Variants in SMIM36 observed in about 807,000 individuals in gnomAD.
The protein encoded by SMIM36 is small integral membrane protein 36.
At chr17:55,468,541 G>A (rs1909283504) in intron 3 of SMIM36, 1 of 152,840 alleles carries the variant, frequency 6.5e-6, no homozygotes, top group Non-Finnish European at 1.5e-5. Flanking sequence ...CATTTCACTG[G>A]TGTCTGATCA....
intron 4 of SMIM36, among the ~76,000 whole-genome samples, chr17:55,464,368 C>T (rs944013830): frequency 6.6e-6 from 1 of 152,100 alleles, no homozygotes; most frequent in East Asian, 1.9e-4. Context: ...TGCTACTTGT[C>T]TAGGGTCAGT....
intron 1 of SMIM36, among the ~76,000 whole-genome samples, chr17:55,496,656 G>T (rs1909812058): frequency 6.6e-6 from 1 of 152,196 alleles, no homozygotes; most frequent in Non-Finnish European, 1.5e-5. Flanking sequence ...ATACTTGTCT[G>T]TGTCTGCCCT....
At chr17:55,471,561 T>A (rs187110618) in intron 3 of SMIM36, among the ~76,000 whole-genome samples, 1 of 152,192 alleles carries the variant, frequency 6.6e-6, no homozygotes, top group Non-Finnish European at 1.5e-5. Context: ...GGATATTTCC[T>A]AGTCTAGATA....
intron 3 of SMIM36, among the ~76,000 whole-genome samples, chr17:55,467,821 CA>C (rs1909268597): frequency 6.6e-6 from 1 of 152,202 alleles, no homozygotes; most frequent in African/African-American, 2.4e-5. Context: ...CTGTGACCTG[CA>C]ACTGAAGAAC....
chr17:55,490,543 G>T (rs1019838589), intron 1 of SMIM36, among the ~76,000 whole-genome samples: 1 of 152,138 alleles, frequency 6.6e-6, no homozygotes, highest in Admixed American at 6.5e-5. Context: ...GAGAGCATAT[G>T]ATATGGTCTC....
At chr17:55,523,625 A>C in the SMIM36 span, among the ~76,000 whole-genome samples, 4 of 152,146 alleles carry the variant, frequency 2.6e-5, no homozygotes, top group East Asian at 7.7e-4. Context: ...ACCTGCAGAC[A>C]TCTTGATCTT....
At chr17:55,507,866 A>T (rs965521293) in intron 1 of SMIM36, among the ~76,000 whole-genome samples, 1 of 152,226 alleles carries the variant, frequency 6.6e-6, no homozygotes, top group African/African-American at 2.4e-5. Flanking sequence ...TCGTGCTGAC[A>T]TTTAAAGATG....
intron 1 of SMIM36, among the ~76,000 whole-genome samples, chr17:55,493,454 A>G (rs1277914173): frequency 6.6e-6 from 1 of 152,168 alleles, no homozygotes; most frequent in African/African-American, 2.4e-5. Flanking sequence ...AGGTGTTGGT[A>G]ATATCAAGTC....
chr17:55,473,461 C>T (rs1229205013), intron 3 of SMIM36, among the ~76,000 whole-genome samples: 3 of 152,168 alleles, frequency 2.0e-5, no homozygotes, highest in Non-Finnish European at 4.4e-5. Context: ...AGATATAATT[C>T]CCTGATTTGG....
At chr17:55,482,972 C>T (rs1310655211) in intron 1 of SMIM36, among the ~76,000 whole-genome samples, 1 of 152,198 alleles carries the variant, frequency 6.6e-6, no homozygotes. Flanking sequence ...TGGGTCTTAA[C>T]AAAAGTAGTC....
the SMIM36 span, among the ~76,000 whole-genome samples, chr17:55,521,957 T>G: frequency 6.6e-6 from 1 of 152,118 alleles, no homozygotes; most frequent in South Asian, 2.1e-4. Context: ...TTAGTCTATT[T>G]TCAACACAAT....
chr17:55,453,280 G>A (rs1357221857), intron 4 of SMIM36, among the ~76,000 whole-genome samples: 5 of 150,020 alleles, frequency 3.3e-5, no homozygotes, highest in African/African-American at 1.0e-4. Context: ...TCAAGCCGCT[G>A]TACCCCAGCC....
the SMIM36 span, among the ~76,000 whole-genome samples, chr17:55,529,518 A>C: frequency 1.5e-3 from 224 of 152,248 alleles, 2 homozygotes; most frequent in South Asian, 0.014. Flanking sequence ...CTGTAATCCC[A>C]GCACTTTGGG....
At position 55,501,081 on chromosome 17, in the gene SMIM36, T is replaced by A. The variant is rs867654676; in HGVS notation, c.*174+9798A>T. 1.7e-4 allele frequency among the ~76,000 whole-genome samples: 9 copies of A among 51,690 alleles called. 1 individual carries two copies. Among genetic ancestry groups the A allele is most frequent in the Admixed American group, 7.5e-4 (2 of 2,672 alleles). 33.9% of individuals were successfully genotyped at this position (51,690 alleles called of 152,430 possible). ...ATATATTATTATATATTATAATATA[T>A]AATATACTATTATATTTTATAATAT... On this transcript the variant is annotated intron_variant, in intron 1 of 4. Coordinates refer to ENST00000636752, the Ensembl canonical transcript of SMIM36.
chr17:55,471,428 A>G (rs1909340255), intron 3 of SMIM36, among the ~76,000 whole-genome samples: 1 of 152,050 alleles, frequency 6.6e-6, no homozygotes, highest in South Asian at 2.1e-4. Context: ...CCCTAGCGTT[A>G]CCTATCTCAG....
intron 1 of SMIM36, among the ~76,000 whole-genome samples, chr17:55,485,535 C>T (rs1003838604): frequency 2.0e-5 from 3 of 151,978 alleles, no homozygotes; most frequent in African/African-American, 7.3e-5. Flanking sequence ...TTGTTCCCCC[C>T]ACCTCGGCCT....
chr17:55,464,921 A>G (rs1467013861), intron 4 of SMIM36, among the ~76,000 whole-genome samples: 1 of 152,200 alleles, frequency 6.6e-6, no homozygotes, highest in East Asian at 1.9e-4. Flanking sequence ...GGATTTGCAA[A>G]CCATAGGCAA....
At chr17:55,502,239 G>A (rs1910003255) in intron 1 of SMIM36, among the ~76,000 whole-genome samples, 1 of 149,518 alleles carries the variant, frequency 6.7e-6, no homozygotes, top group African/African-American at 2.5e-5. Context: ...AAGGAGGCCT[G>A]CCTGCCTCTG....
chr17:55,500,673 A>T (rs1462650819), intron 1 of SMIM36, among the ~76,000 whole-genome samples: 3 of 148,270 alleles, frequency 2.0e-5, no homozygotes, highest in African/African-American at 7.4e-5. Context: ...TAAGAAAATA[A>T]AATATTCTTC....
Sources: allele counts gnomAD v4.1 joint callset (sites outside exome capture counted in the v4.1 genomes callset), GRCh38; gene constraint gnomAD v4.1.1; transcripts MANE v1.5; gene names NCBI Gene and HGNC (gene_info 2026-07-23, HGNC 2026-07-21).